The following PDGFB variants were observed in gnomAD, a reference collection of about 807,000 sequenced individuals.
PDGFB encodes the protein platelet-derived growth factor subunit B.
A neutral mutation model predicts 29.0 loss-of-function variants in PDGFB; 6 were observed. The ratio of observed to expected loss-of-function variants is 0.21; its 90% confidence interval spans 0.11 to 0.41. The LOEUF (loss-of-function observed/expected upper bound fraction) is 0.41. Among genes scored for constraint, PDGFB ranks in the 10% least tolerant of loss-of-function variants. The pLI, the probability that PDGFB is intolerant of heterozygous loss-of-function variation, is 1.00. For synonymous variants in PDGFB, 144 were observed against 140.8 expected (o/e 1.02, Z -0.16); for missense variants, 299 against 341.8 (o/e 0.87, Z 0.99).
At chr22:39,229,684 G>A (rs1932248713) in intron 5 of PDGFB, among the ~76,000 whole-genome samples, 1 of 152,204 alleles carries the variant, frequency 6.6e-6, no homozygotes, top group South Asian at 2.1e-4. Context: ...GGTGGTCAGG[G>A]CAGACTTCTA....
At chr22:39,240,984 CA>C in intron 1 of PDGFB, 2 of 1,261,404 alleles carry the variant, frequency 1.6e-6, no homozygotes, top group South Asian at 1.2e-5. Context: ...CCAGATCCTC[CA>C]AATTCTGTTT....
At chr22:39,233,339 G>C (rs1932356791) in intron 3 of PDGFB, 96 bp downstream of exon 3, 3 of 813,594 alleles carry the variant, frequency 3.7e-6, no homozygotes, top group Non-Finnish European at 5.9e-6. Flanking sequence ...GTTGTAAGAG[G>C]ACCCTCGGGG....
chr22:39,224,399 G>A lies in PDGFB; in HGVS notation c.*943C>T, dbSNP rs973982059. The stretch of plus-strand genomic sequence containing the variant: ...AGTCGTGGCTGGGTTGGAATATGAT[G>A]AGCAGGTCCCTTGCTGCCCTGGCCT... On this transcript the variant is annotated 3_prime_UTR_variant, in exon 7 of 7. Transcript: ENST00000331163. The A allele has an allele frequency of 2.0e-5, 3 of 152,476 alleles. No individual in the cohort carries two copies. Among genetic ancestry groups the A allele is most frequent in the Admixed American group, 2.0e-4 (3 of 15,272 alleles). 9.4% of individuals were successfully genotyped at this position (152,476 alleles called of 1,614,324 possible).
intron 1 of PDGFB, among the ~76,000 whole-genome samples, chr22:39,238,443 G>A (rs778154562): frequency 2.0e-5 from 3 of 151,824 alleles, no homozygotes; most frequent in Non-Finnish European, 2.9e-5. Context: ...ATAAGCCCCC[G>A]GATTTGGTAA....
chr22:39,234,596 G>A (rs777996956), intron 2 of PDGFB, among the ~76,000 whole-genome samples: 21 of 152,206 alleles, frequency 1.4e-4, no homozygotes, highest in East Asian at 3.8e-4. Context: ...GTCCGCTTCC[G>A]TCCAGCCTGA....
At chr22:39,226,763 C>T (rs1932177274) in intron 5 of PDGFB, among the ~76,000 whole-genome samples, 1 of 152,204 alleles carries the variant, frequency 6.6e-6, no homozygotes, top group African/African-American at 2.4e-5. Flanking sequence ...GAATCATACT[C>T]CCACCATGAA....
chr22:39,240,786 A>T (rs1932548095), intron 1 of PDGFB: 2 of 1,549,034 alleles, frequency 1.3e-6, no homozygotes, highest in African/African-American at 2.7e-5. Context: ...ACCAGAACAT[A>T]GGAAGAGTTG....
chr22:39,224,926 G>A lies in PDGFB; in HGVS notation c.*416C>T, dbSNP rs1386528762. 1.3e-5 allele frequency: 2 copies of A among 152,524 alleles called. No homozygotes were observed. The highest frequency in any genetic ancestry group is 1.3e-4 in the Admixed American group (2 of 15,292). The allele number at this position is 152,524 out of a possible 1,614,324, so 9.4% of individuals were successfully genotyped here. A position where few individuals can be genotyped will look rare whatever the true frequency, so the allele number is the denominator to read the frequency against. On this transcript the variant is annotated 3_prime_UTR_variant, in exon 7 of 7. Coordinates refer to ENST00000331163, the MANE Select transcript of PDGFB (RefSeq NM_002608.4). ...GAGCTGGCCAGGGGTTCAGGGATCAGGCAGGCTATGCTGAGAGGTCCTCAG... is the reference window on the plus strand; with the variant it reads ...GAGCTGGCCAGGGGTTCAGGGATCAAGCAGGCTATGCTGAGAGGTCCTCAG...
chr22:39,240,969 T>G, intron 1 of PDGFB: 1 of 1,339,880 alleles, frequency 7.5e-7, no homozygotes, highest in Non-Finnish European at 1.1e-6. Context: ...TTCCTGGCTC[T>G]TGCACCAGAT....
In PDGFB at chr22:39,231,496, A is replaced by T; in HGVS notation, c.456+126T>A. The stretch of plus-strand genomic sequence containing the variant: ...GCCTCTCTGGACAGAGCCCAGGAAC[A>T]AATCAGGAATGTCCTTCGACACACC... On this transcript the variant is annotated intron_variant, in intron 4 of 6. Coordinates refer to ENST00000331163, the MANE Select transcript of PDGFB (RefSeq NM_002608.4). The surrounding 1 kb of genome is among the most constrained non-coding windows in gnomAD (Gnocchi z 4.3). The T allele has an allele frequency of 1.3e-6, 1 of 751,294 alleles. No individual in the cohort carries two copies. The highest frequency in any genetic ancestry group is 1.9e-5 in the South Asian group (1 of 53,508). The allele number at this position is 751,294 out of a possible 1,614,324, so 46.5% of individuals were successfully genotyped here.
chr22:39,242,622 G>A lies in PDGFB; in HGVS notation c.63+1279C>T, dbSNP rs1932594328. The stretch of plus-strand genomic sequence containing the variant: ...CGGCCTGCGGCCCTCGAGGAGCCCC[G>A]AGAACAAAAGGAGACGGCGACGGCT... On this transcript the variant is annotated intron_variant, in intron 1 of 6. Coordinates refer to ENST00000331163, the MANE Select transcript of PDGFB (RefSeq NM_002608.4). The surrounding 1 kb of genome is among the most constrained non-coding windows in gnomAD (Gnocchi z 5.7). Among the ~76,000 whole-genome samples the A allele has an allele frequency of 1.3e-5, 2 of 151,678 alleles. No homozygotes were observed.
At chr22:39,239,853 G>GCA (rs3985946) in intron 1 of PDGFB, among the ~76,000 whole-genome samples, 88,610 of 151,584 alleles carry the variant, frequency 0.58, 27,554 homozygotes, top group East Asian at 0.9. Context: ...CCTGGGCCCA[G>GCA]CACACACACA....
intron 1 of PDGFB, among the ~76,000 whole-genome samples, chr22:39,237,410 G>A (rs1932471228): frequency 6.6e-6 from 1 of 152,136 alleles, no homozygotes; most frequent in African/African-American, 2.4e-5. Flanking sequence ...AGGGCTGCTG[G>A]GCAACTTGAG....
chr22:39,231,923 T>A lies in PDGFB; in HGVS notation c.251-96A>T. On this transcript the variant is annotated intron_variant, in intron 3 of 6. Coordinates refer to ENST00000331163, the MANE Select transcript of PDGFB (RefSeq NM_002608.4). This position sits in a 1 kb window ranked among gnomAD's most constrained non-coding sequence, Gnocchi z 4.3. ...AGCGGGTGCCTCCGGGACTGCTCTT[T>A]CTCACGCCCTTCAACCCCAGGGTTC... 1.0e-6 allele frequency: 1 copy of A among 996,976 alleles called. No individual in the cohort carries two copies. The highest frequency in any genetic ancestry group is 1.5e-6 in the Non-Finnish European group (1 of 678,620). 61.8% of individuals were successfully genotyped at this position (996,976 alleles called of 1,614,324 possible). A position where few individuals can be genotyped will look rare whatever the true frequency, so the allele number is the denominator to read the frequency against.
At chr22:39,237,509 G>A (rs774167860) in intron 1 of PDGFB, among the ~76,000 whole-genome samples, 4 of 152,148 alleles carry the variant, frequency 2.6e-5, no homozygotes, top group African/African-American at 4.8e-5. Context: ...GACAGAGGAG[G>A]GTATGGGCCC....
At chr22:39,239,230 C>T (rs1485912421) in intron 1 of PDGFB, among the ~76,000 whole-genome samples, 3 of 152,160 alleles carry the variant, frequency 2.0e-5, no homozygotes, top group Admixed American at 6.6e-5. Flanking sequence ...TGCTCAGGGC[C>T]AGCAGCACAG....
chr22:39,240,849 A>G (rs1932549967), intron 1 of PDGFB: 1 of 1,613,684 alleles, frequency 6.2e-7, no homozygotes, highest in African/African-American at 1.3e-5. Context: ...GTGGAGAGGT[A>G]CTTACGAGGC....
At chr22:39,230,890 C>T (rs538232608) in intron 4 of PDGFB, among the ~76,000 whole-genome samples, 3 of 152,348 alleles carry the variant, frequency 2.0e-5, no homozygotes, top group African/African-American at 4.8e-5. Context: ...TGGCCTGGGG[C>T]GTGCAGGAAT....
At chr22:39,233,991 G>T (rs930625781) in intron 2 of PDGFB, among the ~76,000 whole-genome samples, 1 of 147,280 alleles carries the variant, frequency 6.8e-6, no homozygotes, top group African/African-American at 2.5e-5. Flanking sequence ...GACAATGGCC[G>T]CGCTGGGCAG....
Sources: allele counts gnomAD v4.1 joint callset (sites outside exome capture counted in the v4.1 genomes callset), GRCh38; gene constraint gnomAD v4.1.1; non-coding constraint Gnocchi (gnomAD v3.1); transcripts MANE v1.5; gene names NCBI Gene and HGNC (gene_info 2026-07-23, HGNC 2026-07-21).